URB2: variants seen among roughly 807,000 people sequenced by gnomAD.
URB2 encodes the protein URB2 ribosome biogenesis homolog.
Under a neutral mutation model 120.9 loss-of-function variants are expected in URB2, and 86 were observed. That is an observed-to-expected ratio of 0.71 (90% CI 0.60 to 0.85). URB2 has a LOEUF of 0.85. Among genes scored for constraint, URB2 ranks in the 40% least tolerant of loss-of-function variants. The probability of loss-of-function intolerance (pLI) is 0.00; values close to 1 mark genes in which losing one functional copy is unlikely to be tolerated. For synonymous variants in URB2, 755 were observed against 758.4 expected, an observed-to-expected ratio of 1.00 and a Z score of 0.07; for missense variants, 1,765 against 1,836.5, an observed-to-expected ratio of 0.96 and a Z score of 0.71.
Position 229,636,343 on chromosome 1 carries a change from G to A in URB2, c.1730G>A (p.Arg577Lys), listed in dbSNP as rs779639611. Reference protein sequence around the residue: ...RTQCMMERMMRELVQPLLALL... With the variant: ...RTQCMMERMMKELVQPLLALL... Reference sequence around the variant, plus strand: ...CAGTGCATGATGGAGAGGATGATGAGGGAGCTCGTGCAGCCCCTGCTGGCC... The same window carrying A: ...CAGTGCATGATGGAGAGGATGATGAAGGAGCTCGTGCAGCCCCTGCTGGCC... Residue 577 changes from arginine to lysine, a missense_variant, in exon 4 of 10, where the codon AGG becomes AAG. Arg to Lys is a conservative substitution (Grantham distance 26). Coordinates refer to ENST00000258243, the MANE Select transcript of URB2 (RefSeq NM_014777.4). 22 of 1,614,090 alleles carry A rather than the reference G, an allele frequency of 1.4e-5. No individual in the cohort carries two copies. The highest frequency in any genetic ancestry group is 2.2e-5 in the East Asian group (1 of 44,894).
chr1:229,636,052 C>G lies in URB2; in HGVS notation c.1439C>G (p.Pro480Arg), dbSNP rs764091387. 1 of 1,614,156 alleles carries G rather than the reference C, an allele frequency of 6.2e-7. No homozygotes were observed. The highest frequency in any genetic ancestry group is 1.3e-5 in the African/African-American group (1 of 75,068). ...GAGGTTTTGGGGGTGATCTGTCGTC[C>G]AGCTGCTGAGGCACTGAGGCAGCCT... Reference protein sequence around the residue: ...FEEVLGVICRPAAEALRQPVL... With the variant: ...FEEVLGVICRRAAEALRQPVL... Residue 480 changes from proline (P) to arginine (R), a missense_variant, in exon 4 of 10, where the codon CCA (proline) becomes CGA (arginine). Physicochemically the swap from Pro to Arg is moderately radical, Grantham distance 103. Transcript: ENST00000258243.
Position 229,636,791 on chromosome 1 carries a change from A to G in URB2, c.2178A>G (p.Gln726=), listed in dbSNP as rs761394804. The change falls in exon 4 of 10, where the codon CAA becomes CAG. Residue 726 remains glutamine (Q), a synonymous_variant. Transcript: ENST00000258243. Reference sequence around the variant, plus strand: ...GAACGACGGCTTCCTGGGATGGCCAAGTTGGGATGGTGAGTGGACTCACAT... The same window carrying G: ...GAACGACGGCTTCCTGGGATGGCCAGGTTGGGATGGTGAGTGGACTCACAT... ...NQRTTASWDG[Q]VGMVSGLTYP... The G allele has an allele frequency of 1.2e-5, 20 of 1,612,572 alleles. No homozygotes were observed. Among genetic ancestry groups the G allele is most frequent in the Non-Finnish European group, 1.7e-5 (20 of 1,178,858 alleles).
intron 5 of URB2, among the ~76,000 whole-genome samples, 165 bp downstream of exon 5, chr1:229,643,858 C>G (rs560134094): frequency 2.8e-4 from 42 of 152,358 alleles, no homozygotes; most frequent in African/African-American, 9.6e-4. Flanking sequence ...GCCTGTGGGA[C>G]AGCCCAGGCT....
Position 229,654,186 on chromosome 1 carries a change from A to T in URB2, c.4238-63A>T, listed in dbSNP as rs906092935. Reference sequence around the variant, plus strand: ...TTTTCACCCATATTAAAAGTCTAACATAGAAGAGTTAAAATGTGCTGTTTT... The same window carrying T: ...TTTTCACCCATATTAAAAGTCTAACTTAGAAGAGTTAAAATGTGCTGTTTT... On this transcript the variant is annotated intron_variant, in intron 8 of 9. Coordinates refer to ENST00000258243, the MANE Select transcript of URB2 (RefSeq NM_014777.4). 1.9e-6 allele frequency: 3 copies of T among 1,598,260 alleles called. No individual in the cohort carries two copies. The African/African-American group carries it at 4.0e-5, about 21-fold the overall frequency.
At position 229,637,485 on chromosome 1, in the gene URB2, G is replaced by A. The variant is rs1360868280; in HGVS notation, c.2872G>A (p.Ala958Thr). 6.2e-7 allele frequency: 1 copy of A among 1,614,200 alleles called. No homozygotes were observed. Among genetic ancestry groups the A allele is most frequent in the African/African-American group, 1.3e-5 (1 of 75,056 alleles). Residue 958 changes from alanine (A) to threonine (T), a missense_variant, in exon 4 of 10, where the codon GCT (alanine) becomes ACT (threonine). By Grantham distance (58) the Ala-to-Thr change is moderately conservative. Coordinates refer to ENST00000258243, the MANE Select transcript of URB2 (RefSeq NM_014777.4). ...TGGTTACTTGCAAAAGGGGAAAAGT[G>A]CTCGCTCTGTGTTCAAGATCATGTA... ...LLGYLQKGKS[A>T]RSVFKIMYGS... is the part of the protein sequence containing the mutation.
At chr1:229,627,780 A>G in intron 2 of URB2, 21 bp downstream of exon 2, 2 of 1,597,062 alleles carry the variant, frequency 1.3e-6, no homozygotes, top group African/African-American at 1.3e-5. Context: ...TGTGAAACTC[A>G]TATTTTTACA....
intron 4 of URB2, among the ~76,000 whole-genome samples, chr1:229,640,088 A>G (rs983190108): frequency 6.6e-6 from 1 of 152,234 alleles, no homozygotes; most frequent in Non-Finnish European, 1.5e-5. Flanking sequence ...AAAAATTAAA[A>G]TAATTATTGT....
At position 229,637,166 on chromosome 1, in the gene URB2, T is replaced by A; in HGVS notation, c.2553T>A (p.His851Gln). The A allele has an allele frequency of 6.2e-7, 1 of 1,613,804 alleles. No individual in the cohort carries two copies. Among genetic ancestry groups the A allele is most frequent in the Non-Finnish European group, 8.5e-7 (1 of 1,179,788 alleles). ...AAAAGGACCACATGGTTGTGGGTCA[T>A]TGGGAAAACAGATTTGCAAAAGCTG... is the stretch of plus-strand genomic sequence containing the variant. The part of the protein sequence containing the change: ...LFEKDHMVVG[H>Q]WENRFAKAGP... The change falls in exon 4 of 10, where the codon CAT becomes CAA. Residue 851 changes from histidine to glutamine, a missense_variant. Coordinates refer to ENST00000258243, the MANE Select transcript of URB2 (RefSeq NM_014777.4).
chr1:229,649,113 A>C (rs1666214384), intron 7 of URB2, among the ~76,000 whole-genome samples: 1 of 152,156 alleles, frequency 6.6e-6, no homozygotes. Flanking sequence ...GCCTTTGACC[A>C]GAGTATTGTT....
rs1339129680 is a variant in URB2, at chr1:229,637,506, A to G, written c.2893A>G (p.Met965Val). 1.2e-6 allele frequency: 2 copies of G among 1,614,214 alleles called. No homozygotes were observed. Among genetic ancestry groups the G allele is most frequent in the South Asian group, 1.1e-5 (1 of 91,088 alleles). The change falls in exon 4 of 10, where the codon ATG (methionine) becomes GTG (valine). Residue 965 changes from methionine (M) to valine (V), a missense_variant. By Grantham distance (21) the Met-to-Val change is conservative. Coordinates refer to ENST00000258243, the MANE Select transcript of URB2 (RefSeq NM_014777.4). ...GKSARSVFKI[M>V]YGSDIFEVVL... is the part of the protein sequence containing the mutation. Reference sequence around the variant, plus strand: ...AAGTGCTCGCTCTGTGTTCAAGATCATGTATGGTAGTGATATTTTTGAGGT... The same window carrying G: ...AAGTGCTCGCTCTGTGTTCAAGATCGTGTATGGTAGTGATATTTTTGAGGT...
At chr1:229,627,797 C>T in intron 2 of URB2, 38 bp downstream of exon 2, 1 of 1,567,720 alleles carries the variant, frequency 6.4e-7, no homozygotes, top group Non-Finnish European at 8.6e-7. Flanking sequence ...TACAGTCTGT[C>T]AAGATAATTA....
chr1:229,632,847 G>A (rs1378078069), intron 3 of URB2, among the ~76,000 whole-genome samples: 2 of 138,946 alleles, frequency 1.4e-5, no homozygotes, highest in Admixed American at 7.7e-5. Context: ...TACGGCCTTC[G>A]AGCCACAAGT....
intron 2 of URB2, among the ~76,000 whole-genome samples, chr1:229,628,883 T>C (rs1325150434): frequency 1.3e-5 from 2 of 152,228 alleles, no homozygotes; most frequent in Non-Finnish European, 2.9e-5. Flanking sequence ...AAAGCGATGA[T>C]GACGTGTGGT....
intron 4 of URB2, among the ~76,000 whole-genome samples, chr1:229,640,305 A>G (rs1665972429): frequency 6.6e-6 from 1 of 152,238 alleles, no homozygotes; most frequent in South Asian, 2.1e-4. Context: ...GTTTTCCTCT[A>G]CAGTGAAGGA....
intron 3 of URB2, among the ~76,000 whole-genome samples, chr1:229,633,570 G>A (rs1484206116): frequency 6.6e-6 from 1 of 152,150 alleles, no homozygotes; most frequent in African/African-American, 2.4e-5. Context: ...CTTTGTTACA[G>A]CGTTTCCAGA....
At chr1:229,658,601 A>G (rs1666455414) in intron 9 of URB2, among the ~76,000 whole-genome samples, 1 of 152,176 alleles carries the variant, frequency 6.6e-6, no homozygotes, top group African/African-American at 2.4e-5. Flanking sequence ...GTAGTTTCAG[A>G]GCCTGCCTGC....
Position 229,659,526 on chromosome 1 carries a change from A to G in URB2, c.*229A>G. 2 of 411,562 alleles carry G rather than the reference A, an allele frequency of 4.9e-6. No homozygotes were observed. The highest frequency in any genetic ancestry group is 4.3e-6 in the Non-Finnish European group (1 of 233,550). 25.5% of individuals were successfully genotyped at this position (411,562 alleles called of 1,614,324 possible). ...TAAGTATTGCAATAGAATCCTGAAA[A>G]TTGACCCTGGGATGAGATTAATTCA... On this transcript the variant is annotated 3_prime_UTR_variant, in exon 10 of 10. Transcript: ENST00000258243.
chr1:229,646,234 G>A (rs1354694341), intron 6 of URB2, among the ~76,000 whole-genome samples: 16 of 152,132 alleles, frequency 1.1e-4, no homozygotes, highest in Admixed American at 1.0e-3. Flanking sequence ...GTAAGAAGAG[G>A]GATGTAGTGA....
chr1:229,638,950 T>G (rs1164395726), intron 4 of URB2, among the ~76,000 whole-genome samples: 1 of 152,154 alleles, frequency 6.6e-6, no homozygotes, highest in Non-Finnish European at 1.5e-5. Context: ...CCTTAGTAGG[T>G]TCTTATGTAT....
Sources: gnomAD v4.1 joint callset for allele counts (sites outside exome capture counted in the v4.1 genomes callset) on GRCh38, gnomAD v4.1.1 for gene constraint, MANE v1.5 for transcripts, NCBI Gene and HGNC (gene_info 2026-07-23, HGNC 2026-07-21) for gene names.